DNAH8: variants seen among roughly 807,000 people sequenced by gnomAD.
DNAH8 encodes the protein axonemal beta dynein heavy chain 8.
A neutral mutation model predicts 562.1 loss-of-function variants in DNAH8; 382 were observed. The observed-to-expected ratio is 0.68, with a 90% CI of 0.63 to 0.74. The LOEUF (loss-of-function observed/expected upper bound fraction) is 0.74. Ranked by LOEUF, DNAH8 falls within the 30% of genes least tolerant of loss-of-function variation. The pLI is 0.00. For missense variants in DNAH8, 5,203 were observed against 5,620.4 expected (o/e 0.93, Z 2.37); for synonymous variants, 1,881 against 1,919.4 (o/e 0.98, Z 0.52).
rs577399203 is a variant in DNAH8 at position 38,883,185 on chromosome 6, T to C, written c.8001+133T>C. ...ATCTGTAATACAACTGGGACTTATTTTGATGGTAGATGCAATTCTAAAAAG... is the reference window on the plus strand; with the variant it reads ...ATCTGTAATACAACTGGGACTTATTCTGATGGTAGATGCAATTCTAAAAAG... On this transcript the variant is annotated intron_variant, in intron 54 of 92. Transcript: ENST00000327475. 2.2e-5 allele frequency: 29 copies of C among 1,330,138 alleles called. No homozygotes were observed. The East Asian group carries it at 6.0e-4, about 27-fold the overall frequency. The allele number at this position is 1,330,138 out of a possible 1,614,324, so 82.4% of individuals were successfully genotyped here.
rs139585912 is a variant in DNAH8 at position 38,955,879 on chromosome 6, C to T, written c.12451+4359C>T. 1.5e-3 allele frequency among the ~76,000 whole-genome samples: 223 copies of T among 152,296 alleles called. 1 individual carries two copies. Among genetic ancestry groups the T allele is most frequent in the Admixed American group, 2.3e-3 (35 of 15,300 alleles). ...GGGTTGTTTTGAGAGCACAAACTGA[C>T]ACCCAAATGGCAGATCTGCCAATTG... On this transcript the variant is annotated intron_variant, in intron 82 of 92. Transcript: ENST00000327475.
At position 38,737,114 on chromosome 6, in the gene DNAH8, A is replaced by T; in HGVS notation, c.810A>T (p.Gly270=). The T allele has an allele frequency of 6.3e-7, 1 of 1,580,538 alleles. No individual in the cohort carries two copies. The highest frequency in any genetic ancestry group is 1.7e-4 in the Middle Eastern group (1 of 5,982). ...VLDASKGLLN[G]IRDMLANIFL... is the part of the protein sequence containing the mutation. ...ATGCGTCGAAAGGACTCTTAAATGG[A>T]ATTAGGGATATGTTGGCAAATATAT... Residue 270 remains glycine (G), a synonymous_variant, in exon 6 of 93, where the codon GGA becomes GGT. Coordinates refer to ENST00000327475, the MANE Select transcript of DNAH8 (RefSeq NM_001206927.2).
chr6:38,923,992 C>A lies in DNAH8; in HGVS notation c.10792C>A (p.Leu3598Ile). Reference sequence around the variant, plus strand: ...GGGGGCTGTGTGTTTTCTTCACAGACTTGTAGGTGATATTCTGCTGTGCAC... The same window carrying A: ...GGGGGCTGTGTGTTTTCTTCACAGAATTGTAGGTGATATTCTGCTGTGCAC... ...SKEFKAQINR[L>I]VGDILLCTGF... Residue 3598 changes from leucine (L) to isoleucine (I), a missense_variant and splice_region_variant, in exon 73 of 93, where the codon CTT (leucine) becomes ATT (isoleucine). Around this residue, in one of 6 missense-constraint regions of DNAH8, gnomAD observed 1,399 missense variants for 1,518.4 expected, o/e 0.92. Transcript: ENST00000327475. The A allele has an allele frequency of 6.2e-7, 1 of 1,613,896 alleles. No homozygotes were observed. Among genetic ancestry groups the A allele is most frequent in the South Asian group, 1.1e-5 (1 of 91,070 alleles).
chr6:38,968,431 C>T (rs529482765), intron 82 of DNAH8, among the ~76,000 whole-genome samples: 2 of 152,164 alleles, frequency 1.3e-5, no homozygotes, highest in East Asian at 3.9e-4. Context: ...CCTCTTACAA[C>T]TCAACAATAG....
intron 1 of DNAH8, among the ~76,000 whole-genome samples, chr6:38,722,539 CAGG>C (rs1315146658): frequency 2.0e-5 from 3 of 151,458 alleles, no homozygotes; most frequent in African/African-American, 7.3e-5. Context: ...ATAACATAAT[CAGG>C]AGGAGCACTT....
At chr6:38,773,917 C>T (rs1185841246) in intron 12 of DNAH8, among the ~76,000 whole-genome samples, 3 of 152,086 alleles carry the variant, frequency 2.0e-5, no homozygotes, top group Admixed American at 6.5e-5. Flanking sequence ...GTGGCAAAGT[C>T]GAAGGGCAGA....
In DNAH8 at chr6:38,729,884, T is replaced by G; in HGVS notation, c.526-18T>G. ...TTTCCTTAGTCGTTTGATTATCATT[T>G]TCTCTTTTATTTAACAGCTGGAAGC... On this transcript the variant is annotated intron_variant, in intron 3 of 92. Transcript: ENST00000327475. 1 of 1,373,392 alleles carries G rather than the reference T, an allele frequency of 7.3e-7. No homozygotes were observed. Among genetic ancestry groups the G allele is most frequent in the Non-Finnish European group, 1.0e-6 (1 of 979,670 alleles). 85.1% of individuals were successfully genotyped at this position (1,373,392 alleles called of 1,614,324 possible).
intron 17 of DNAH8, among the ~76,000 whole-genome samples, chr6:38,783,577 A>G (rs1429338784): frequency 6.6e-6 from 1 of 151,646 alleles, no homozygotes; most frequent in African/African-American, 2.4e-5. Flanking sequence ...TTATTACTGA[A>G]TTTAATTTCA....
At chr6:38,717,386 C>T (rs925681728) in intron 1 of DNAH8, among the ~76,000 whole-genome samples, 1 of 152,052 alleles carries the variant, frequency 6.6e-6, no homozygotes, top group African/African-American at 2.4e-5. Context: ...TGCAGTGGCG[C>T]CATCTTGGCT....
At chr6:38,858,141 C>T (rs907878877) in intron 42 of DNAH8, among the ~76,000 whole-genome samples, 12 of 152,180 alleles carry the variant, frequency 7.9e-5, no homozygotes, top group Admixed American at 7.2e-4. Flanking sequence ...AGGCAAAGTT[C>T]TGTAGGGTGG....
chr6:38,812,283 G>A (rs895834368), intron 24 of DNAH8, among the ~76,000 whole-genome samples: 4 of 152,046 alleles, frequency 2.6e-5, no homozygotes, highest in African/African-American at 7.2e-5. Context: ...TTGTATTTGA[G>A]CATTCTCATG....
intron 91 of DNAH8, among the ~76,000 whole-genome samples, chr6:39,020,546 G>A (rs1191623274): frequency 1.3e-5 from 2 of 151,890 alleles, no homozygotes; most frequent in Non-Finnish European, 2.9e-5. Flanking sequence ...TTTAAGTTCC[G>A]GGATACATGT....
intron 82 of DNAH8, among the ~76,000 whole-genome samples, chr6:38,952,296 G>C (rs1419933047): frequency 1.3e-5 from 2 of 152,086 alleles, no homozygotes; most frequent in Non-Finnish European, 2.9e-5. Flanking sequence ...AGGATTAAAG[G>C]ACAGGGATGC....
At position 38,737,101 on chromosome 6, in the gene DNAH8, G is replaced by C. The variant is rs796636840; in HGVS notation, c.797G>C (p.Gly266Ala). 5.0e-5 allele frequency: 78 copies of C among 1,568,656 alleles called. No homozygotes were observed. Among genetic ancestry groups the C allele is most frequent in the Non-Finnish European group, 6.7e-5 (78 of 1,163,502 alleles). ...TTTACTGTTCTGGATGCGTCGAAAG[G>C]ACTCTTAAATGGAATTAGGGATATG... ...ALFTVLDASK[G>A]LLNGIRDMLA... Residue 266 changes from glycine (G) to alanine (A), a missense_variant, in exon 6 of 93, where the codon GGA (glycine) becomes GCA (alanine). Gly to Ala is a moderately conservative substitution (Grantham distance 60). Coordinates refer to ENST00000327475, the MANE Select transcript of DNAH8 (RefSeq NM_001206927.2).
At chr6:38,820,138 AAGAAAAGCAAGGT>A (rs1277118825) in intron 26 of DNAH8, among the ~76,000 whole-genome samples, 11 of 152,198 alleles carry the variant, frequency 7.2e-5, no homozygotes, top group African/African-American at 2.4e-4. Context: ...ATTGGTGTTG[AAGAAAAGCAAGGT>A]AGGGGGTCCT....
At chr6:38,990,921 C>T (rs1170994950) in intron 88 of DNAH8, among the ~76,000 whole-genome samples, 1 of 152,186 alleles carries the variant, frequency 6.6e-6, no homozygotes, top group Non-Finnish European at 1.5e-5. Context: ...GATGAAAAGT[C>T]ACAAGGTTTA....
intron 32 of DNAH8, among the ~76,000 whole-genome samples, chr6:38,837,377 A>G (rs1334907033): frequency 6.6e-5 from 10 of 152,230 alleles, no homozygotes; most frequent in Non-Finnish European, 2.9e-5. Flanking sequence ...GAACATTGCT[A>G]ATATTTAGCA....
chr6:38,908,913 T>G (rs1780679017), intron 64 of DNAH8, among the ~76,000 whole-genome samples: 1 of 152,164 alleles, frequency 6.6e-6, no homozygotes, highest in Admixed American at 6.5e-5. Context: ...CTGGAAAGCA[T>G]ATATATAAAG....
intron 88 of DNAH8, among the ~76,000 whole-genome samples, chr6:39,008,404 G>A (rs1235558075): frequency 6.6e-6 from 1 of 152,046 alleles, no homozygotes; most frequent in African/African-American, 2.4e-5. Context: ...AAATATGAAT[G>A]TTCCTCTTTG....
Sources: gnomAD v4.1 joint callset for allele counts (sites outside exome capture counted in the v4.1 genomes callset) on GRCh38, gnomAD v4.1.1 for gene constraint, gnomAD v4.1.1 regional missense constraint, MANE v1.5 for transcripts, NCBI Gene and HGNC (gene_info 2026-07-23, HGNC 2026-07-21) for gene names.